The following SPTBN1 variants were observed in gnomAD, a reference collection of about 807,000 sequenced individuals.
The protein encoded by SPTBN1 is spectrin beta, non-erythrocytic 1.
SPTBN1 carries 32 observed loss-of-function variants against 266.4 expected under a neutral mutation model. The ratio of observed to expected loss-of-function variants is 0.12; its 90% CI spans 0.09 to 0.16. The LOEUF (loss-of-function observed/expected upper bound fraction) is 0.16. SPTBN1 is among the 10% of genes least tolerant of loss of function. The pLI, the probability that SPTBN1 is intolerant of heterozygous loss-of-function variation, is 1.00. For synonymous variants in SPTBN1, 1,336 were observed against 1,162.2 expected, an observed-to-expected ratio of 1.15 and a Z score of -3.04; for missense variants, 2,296 against 3,067.1, an observed-to-expected ratio of 0.75 and a Z score of 5.94.
chr2:54,631,075 G>A lies in SPTBN1; in HGVS notation c.3028G>A (p.Ala1010Thr), dbSNP rs1678699397. 1 of 1,614,096 alleles carries A rather than the reference G, an allele frequency of 6.2e-7. No individual in the cohort carries two copies. The highest frequency in any genetic ancestry group is 1.7e-5 in the Admixed American group (1 of 60,024). The change falls in exon 16 of 36, where the codon GCA (alanine) becomes ACA (threonine). Residue 1010 changes from alanine to threonine, a missense_variant. This residue lies in a region of SPTBN1 where 128 missense variants were observed against 176.5 expected (regional missense o/e 0.73). Coordinates refer to ENST00000356805, the MANE Select transcript of SPTBN1 (RefSeq NM_003128.3). ...GGAGCGGGACTTGGTGGCCATTGAGGCAAAGCTGAGTGACCTGCAGAAGGA... is the reference window on the plus strand; with the variant it reads ...GGAGCGGGACTTGGTGGCCATTGAGACAAAGCTGAGTGACCTGCAGAAGGA... ...GMERDLVAIEAKLSDLQKEAE... is the reference protein window; with the variant it reads ...GMERDLVAIETKLSDLQKEAE...
intron 2 of SPTBN1, among the ~76,000 whole-genome samples, chr2:54,582,317 C>A (rs1268109487): frequency 1.3e-5 from 2 of 151,478 alleles, no homozygotes; most frequent in East Asian, 3.9e-4. Context: ...TCTGGTGGTG[C>A]CTGAGAGCAG....
intron 2 of SPTBN1, among the ~76,000 whole-genome samples, chr2:54,539,603 G>A (rs1280499187): frequency 3.9e-5 from 6 of 152,118 alleles, no homozygotes; most frequent in East Asian, 1.9e-4. Flanking sequence ...GCAGTGGTGC[G>A]ATTTTGGCTC....
chr2:54,584,216 C>T (rs1389182216), intron 2 of SPTBN1, among the ~76,000 whole-genome samples: 1 of 152,152 alleles, frequency 6.6e-6, no homozygotes, highest in African/African-American at 2.4e-5. Flanking sequence ...GTTTTCCTTA[C>T]TCTTTTTAAT....
intron 2 of SPTBN1, among the ~76,000 whole-genome samples, chr2:54,593,480 T>G (rs1255889661): frequency 6.6e-6 from 1 of 152,116 alleles, no homozygotes; most frequent in East Asian, 1.9e-4. Flanking sequence ...AGTCCTGGGT[T>G]GTGTTGGTAG....
intron 2 of SPTBN1, among the ~76,000 whole-genome samples, chr2:54,550,417 G>T (rs181798200): frequency 1.6e-3 from 244 of 152,292 alleles, no homozygotes; most frequent in African/African-American, 5.6e-3. Flanking sequence ...ACACACCAGG[G>T]CTGCACATGT....
intron 2 of SPTBN1, among the ~76,000 whole-genome samples, chr2:54,576,239 A>C (rs1191600319): frequency 1.3e-5 from 2 of 151,704 alleles, no homozygotes; most frequent in Non-Finnish European, 2.9e-5. Flanking sequence ...ATTTTAGTAG[A>C]GACAGGGTTT....
At chr2:54,510,302 T>C (rs1396128901) in intron 1 of SPTBN1, among the ~76,000 whole-genome samples, 1 of 152,166 alleles carries the variant, frequency 6.6e-6, no homozygotes, top group Admixed American at 6.5e-5. Context: ...GGCCCTACCA[T>C]TATGACCGCA....
At chr2:54,605,810 G>GT (rs1359173633) in intron 3 of SPTBN1, among the ~76,000 whole-genome samples, 2 of 152,306 alleles carry the variant, frequency 1.3e-5, no homozygotes, top group Admixed American at 6.5e-5. Context: ...TCACCTTGCT[G>GT]TATCTTGTTT....
At position 54,655,108 on chromosome 2, in the gene SPTBN1, A is replaced by C; in HGVS notation, c.5861A>C (p.Gln1954Pro). ...SSVELLMNNH[Q>P]GIKAEIDARN... ...GTTGAACTCTTAATGAATAATCATC[A>C]AGGCATCAAAGCTGAAATTGATGCA... is the stretch of plus-strand genomic sequence containing the variant. Residue 1954 changes from glutamine (Q) to proline (P), a missense_variant, in exon 28 of 36, where the codon CAA (glutamine) becomes CCA (proline). Around this residue, in one of 12 missense-constraint regions of SPTBN1, gnomAD observed 644 missense variants for 745.3 expected, o/e 0.86. Transcript: ENST00000356805. 1 of 1,614,196 alleles carries C rather than the reference A, an allele frequency of 6.2e-7. No homozygotes were observed.
chr2:54,487,832 C>CTTTTTTTTTTTTTTTTT lies in SPTBN1; in HGVS notation c.-48+31329_-48+31330insTTTTTTTTTTTTTTTTT, dbSNP rs70944169. Among the ~76,000 whole-genome samples, 272 of 68,618 alleles carry CTTTTTTTTTTTTTTTTT rather than the reference C, an allele frequency of 4.0e-3. 11 individuals carry two copies. Among genetic ancestry groups the CTTTTTTTTTTTTTTTTT allele is most frequent in the African/African-American group, 5.0e-3 (90 of 18,148 alleles). 45.0% of individuals were successfully genotyped at this position (68,618 alleles called of 152,430 possible). ...TTCACTTGATGGTCTCCTCCTGTGT[C>CTTTTTTTTTTTTTTTTT]TTTTTTTTTTTTTTTGAGACGGAGT... On this transcript the variant is annotated intron_variant, in intron 1 of 35. Coordinates refer to ENST00000356805, the MANE Select transcript of SPTBN1 (RefSeq NM_003128.3).
chr2:54,667,838 C>CT (rs1187960333), intron 35 of SPTBN1, among the ~76,000 whole-genome samples, 192 bp downstream of exon 35: 1 of 152,176 alleles, frequency 6.6e-6, no homozygotes, highest in Admixed American at 6.5e-5. Flanking sequence ...CTCACTGTCC[C>CT]TTTGCCGAGG....
chr2:54,551,245 G>T (rs565623887), intron 2 of SPTBN1, among the ~76,000 whole-genome samples: 2 of 152,322 alleles, frequency 1.3e-5, no homozygotes, highest in South Asian at 4.1e-4. Context: ...CATGTTGGAG[G>T]TGAAAAGCAG....
Position 54,554,496 on chromosome 2 carries a change from A to T in SPTBN1, c.148+27930A>T, listed in dbSNP as rs1371680262. 1.3e-5 allele frequency among the ~76,000 whole-genome samples: 2 copies of T among 152,216 alleles called. No homozygotes were observed. Among genetic ancestry groups the T allele is most frequent in the Non-Finnish European group, 2.9e-5 (2 of 68,036 alleles). ...TAAGTGGAGATTGATGATAACTGGG[A>T]CTGCAGTTAGAAGTGGGACCTAAGC... On this transcript the variant is annotated intron_variant, in intron 2 of 35. Coordinates refer to ENST00000356805, the MANE Select transcript of SPTBN1 (RefSeq NM_003128.3). The surrounding 1 kb of genome is among the most constrained non-coding windows in gnomAD (Gnocchi z 4.5).
chr2:54,492,083 A>T lies in SPTBN1; in HGVS notation c.-47-34289A>T, dbSNP rs186050043. Among the ~76,000 whole-genome samples, 515 of 152,294 alleles carry T rather than the reference A, an allele frequency of 3.4e-3. 2 individuals are homozygous for T. The highest frequency in any genetic ancestry group is 6.8e-3 in the Middle Eastern group (2 of 294). ...TTATTTTTAGGATATACCATAATTT[A>T]AAAAATAACTTCTGAATATGAGAGT... On this transcript the variant is annotated intron_variant, in intron 1 of 35. Coordinates refer to ENST00000356805, the MANE Select transcript of SPTBN1 (RefSeq NM_003128.3).
chr2:54,621,071 C>T lies in SPTBN1; in HGVS notation c.764-329C>T, dbSNP rs139117321. 2.5e-4 allele frequency among the ~76,000 whole-genome samples: 38 copies of T among 152,182 alleles called. No individual in the cohort carries two copies. In the East Asian group the frequency reaches 2.7e-3, roughly 11 times the overall value. On this transcript the variant is annotated intron_variant, in intron 7 of 35. Transcript: ENST00000356805. The stretch of plus-strand genomic sequence containing the variant: ...CTGGTAACAAAGAGATAAAGATATC[C>T]AAAGACTGATTGACAGGGGGCGGTG...
Position 54,554,889 on chromosome 2 carries a change from C to G in SPTBN1, c.148+28323C>G, listed in dbSNP as rs980751717. ...TCCCCTGAGTCTGATAACCCTCATT[C>G]ACTAGTCTCATCTTCATAGCTTCTT... On this transcript the variant is annotated intron_variant, in intron 2 of 35. Transcript: ENST00000356805. The surrounding 1 kb of genome is among the most constrained non-coding windows in gnomAD (Gnocchi z 4.5). 2.0e-5 allele frequency among the ~76,000 whole-genome samples: 3 copies of G among 152,194 alleles called. No individual in the cohort carries two copies. The highest frequency in any genetic ancestry group is 7.2e-5 in the African/African-American group (3 of 41,456).
intron 2 of SPTBN1, among the ~76,000 whole-genome samples, chr2:54,551,749 G>A (rs1009048522): frequency 1.3e-5 from 2 of 152,278 alleles, no homozygotes; most frequent in East Asian, 3.9e-4. Flanking sequence ...GGTGTAAAGA[G>A]AGGGAGAAAG....
chr2:54,494,549 A>G (rs1668865244), intron 1 of SPTBN1, among the ~76,000 whole-genome samples: 1 of 152,250 alleles, frequency 6.6e-6, no homozygotes, highest in Admixed American at 6.5e-5. Flanking sequence ...ATGGTATACT[A>G]TTCAGCAGTA....
In SPTBN1 at chr2:54,668,417, G is replaced by A. The variant is rs1396985489; in HGVS notation, c.6943G>A (p.Ala2315Thr). 1 of 1,614,150 alleles carries A rather than the reference G, an allele frequency of 6.2e-7. No homozygotes were observed. Among genetic ancestry groups the A allele is most frequent in the Non-Finnish European group, 8.5e-7 (1 of 1,180,038 alleles). Residue 2315 changes from alanine to threonine, a missense_variant, in exon 36 of 36, where the codon GCC becomes ACC. By Grantham distance (58) the Ala-to-Thr change is moderately conservative. This residue lies in a region of SPTBN1 where 347 missense variants were observed against 368.5 expected (regional missense o/e 0.94). Coordinates refer to ENST00000356805, the MANE Select transcript of SPTBN1 (RefSeq NM_003128.3). ...AISSDKHEVSASTQSTPASSR... is the reference protein window; with the variant it reads ...AISSDKHEVSTSTQSTPASSR... ...CTCCTCTGATAAACACGAGGTGTCT[G>A]CCAGCACCCAGAGCACGCCAGCATC...
Sources: allele counts gnomAD v4.1 joint callset (sites outside exome capture counted in the v4.1 genomes callset), GRCh38; gene constraint gnomAD v4.1.1; regional missense constraint gnomAD v4.1.1; non-coding constraint Gnocchi (gnomAD v3.1); transcripts MANE v1.5; gene names NCBI Gene and HGNC (gene_info 2026-07-23, HGNC 2026-07-21).